IL1RAPL1: variants seen among roughly 807,000 people sequenced by gnomAD.
IL1RAPL1 encodes the protein interleukin 1 receptor accessory protein like 1.
A neutral mutation model predicts 48.4 loss-of-function variants in IL1RAPL1; 3 were observed. The ratio of observed to expected loss-of-function variants is 0.06; its 90% confidence interval spans 0.03 to 0.16. The LOEUF (loss-of-function observed/expected upper bound fraction) is 0.16, where lower values mean the gene tolerates loss of function less well. Ranked by LOEUF, IL1RAPL1 falls within the 10% of genes least tolerant of loss-of-function variation. The pLI is 1.00. For missense variants in IL1RAPL1, 349 were observed against 530.6 expected, an observed-to-expected ratio of 0.66 and a Z score of 3.36; for synonymous variants, 185 against 187.7, an observed-to-expected ratio of 0.99 and a Z score of 0.12.
intron 5 of IL1RAPL1, among the ~76,000 whole-genome samples, chrX:29,661,856 GA>G (rs144945317): frequency 9.0e-6 from 1 of 110,975 alleles, no homozygotes. Flanking sequence ...ATACTTAAGG[GA>G]AAAAAATTCT....
chrX:29,395,277 G>A lies in IL1RAPL1; in HGVS notation c.363-981G>A, dbSNP rs768060191. 6.3e-5 allele frequency among the ~76,000 whole-genome samples: 7 copies of A among 111,877 alleles called. No individual in the cohort carries two copies. The South Asian group carries it at 2.6e-3, about 42-fold the overall frequency. Reference sequence around the variant, plus strand: ...TGATGGCCATGTACATGAATAAGCAGTTGGGCACTTATTTACCAAATGGGA... The same window carrying A: ...TGATGGCCATGTACATGAATAAGCAATTGGGCACTTATTTACCAAATGGGA... On this transcript the variant is annotated intron_variant, in intron 3 of 10. Transcript: ENST00000378993.
At chrX:29,026,726 G>A (rs1926494837) in intron 2 of IL1RAPL1, among the ~76,000 whole-genome samples, 1 of 111,741 alleles carries the variant, frequency 8.9e-6, no homozygotes, top group African/African-American at 3.3e-5. Context: ...CAATGGTTAT[G>A]TTTTCAAAAT....
At chrX:29,741,332 C>G (rs1482103405) in intron 6 of IL1RAPL1, among the ~76,000 whole-genome samples, 1 of 111,613 alleles carries the variant, frequency 9.0e-6, no homozygotes, top group African/African-American at 3.3e-5. Flanking sequence ...AGGACAGATC[C>G]AACTAGGATT....
chrX:28,980,295 A>G (rs1925298918), intron 2 of IL1RAPL1, among the ~76,000 whole-genome samples: 1 of 112,393 alleles, frequency 8.9e-6, no homozygotes, highest in Non-Finnish European at 1.9e-5. Flanking sequence ...GGTTTTTTCC[A>G]GCACATCTTT....
At chrX:29,323,112 C>T (rs1294989196) in intron 3 of IL1RAPL1, among the ~76,000 whole-genome samples, 1 of 111,986 alleles carries the variant, frequency 8.9e-6, no homozygotes, top group Non-Finnish European at 1.9e-5. Flanking sequence ...ATACCTATTT[C>T]ACTTGCATCC....
At chrX:29,057,380 A>G (rs1204170145) in intron 2 of IL1RAPL1, among the ~76,000 whole-genome samples, 1 of 109,944 alleles carries the variant, frequency 9.1e-6, no homozygotes, top group African/African-American at 3.3e-5. Flanking sequence ...GGAGTGAACT[A>G]TTGTGGTTTG....
At chrX:28,956,900 T>C (rs1924627458) in intron 2 of IL1RAPL1, among the ~76,000 whole-genome samples, 1 of 109,660 alleles carries the variant, frequency 9.1e-6, no homozygotes, top group South Asian at 4.0e-4. Context: ...CCTGGACTCT[T>C]TTTGGTTGGT....
intron 6 of IL1RAPL1, among the ~76,000 whole-genome samples, chrX:29,808,714 T>C (rs925343176): frequency 8.9e-6 from 1 of 111,755 alleles, no homozygotes; most frequent in Admixed American, 9.6e-5. Context: ...TTTTAACATA[T>C]ATATTATGTT....
intron 3 of IL1RAPL1, among the ~76,000 whole-genome samples, chrX:29,391,150 G>C (rs753938950): frequency 1.9e-5 from 2 of 107,688 alleles, no homozygotes; most frequent in Admixed American, 2.0e-4. Flanking sequence ...CTCCAGCCTG[G>C]GCAACAAGAG....
intron 1 of IL1RAPL1, among the ~76,000 whole-genome samples, chrX:28,754,870 G>A (rs964689386): frequency 8.1e-5 from 9 of 111,743 alleles, no homozygotes; most frequent in Middle Eastern, 4.6e-3. Context: ...TTGGATGTAG[G>A]GTAGCTACAT....
At chrX:29,217,765 T>C (rs1166253619) in intron 2 of IL1RAPL1, among the ~76,000 whole-genome samples, 2 of 61,402 alleles carry the variant, frequency 3.3e-5, no homozygotes, top group African/African-American at 1.9e-4. Context: ...TTTCTCTCTC[T>C]CTCTCTCTCT....
chrX:28,679,655 C>A (rs1313247333), intron 1 of IL1RAPL1, among the ~76,000 whole-genome samples: 1 of 111,771 alleles, frequency 8.9e-6, no homozygotes, highest in Non-Finnish European at 1.9e-5. Flanking sequence ...AATAAAAGCA[C>A]AGTTTTATTA....
At chrX:29,230,522 A>ACAAAAAC (rs747601421) in intron 2 of IL1RAPL1, among the ~76,000 whole-genome samples, 1 of 90,822 alleles carries the variant, frequency 1.1e-5, no homozygotes, top group African/African-American at 4.2e-5. Context: ...AAAAAAAAAA[A>ACAAAAAC]AAAAAAAAAA....
At chrX:29,834,340 G>T (rs774955049) in intron 6 of IL1RAPL1, among the ~76,000 whole-genome samples, 1 of 111,247 alleles carries the variant, frequency 9.0e-6, no homozygotes, top group South Asian at 3.8e-4. Flanking sequence ...CATAGTTAAG[G>T]ATATACCGAT....
At chrX:29,260,783 A>T (rs908249165) in intron 2 of IL1RAPL1, among the ~76,000 whole-genome samples, 3 of 109,888 alleles carry the variant, frequency 2.7e-5, no homozygotes, top group Non-Finnish European at 5.7e-5. Flanking sequence ...TACCCAGAAT[A>T]CTCTATCACC....
intron 3 of IL1RAPL1, among the ~76,000 whole-genome samples, chrX:29,329,727 C>T (rs758127465): frequency 6.5e-5 from 7 of 108,292 alleles, no homozygotes; most frequent in Non-Finnish European, 9.5e-5. Context: ...GCAGGAGAAT[C>T]GCTTGAACCC....
intron 2 of IL1RAPL1, among the ~76,000 whole-genome samples, chrX:28,857,091 A>G (rs1921822926): frequency 8.9e-6 from 1 of 112,491 alleles, no homozygotes; most frequent in South Asian, 3.6e-4. Context: ...TAATCTGGAT[A>G]GAAAATCAAA....
chrX:29,786,278 A>G (rs888119285), intron 6 of IL1RAPL1, among the ~76,000 whole-genome samples: 1 of 111,474 alleles, frequency 9.0e-6, no homozygotes, highest in Non-Finnish European at 1.9e-5. Context: ...AACATGATGA[A>G]CACAGATCAG....
At chrX:29,650,549 G>C (rs1017194687) in intron 5 of IL1RAPL1, among the ~76,000 whole-genome samples, 4 of 110,578 alleles carry the variant, frequency 3.6e-5, no homozygotes, top group African/African-American at 1.3e-4. Context: ...TCAATAAATG[G>C]TTTTGGGAAA....
Sources: allele counts gnomAD v4.1 joint callset (sites outside exome capture counted in the v4.1 genomes callset), GRCh38; gene constraint gnomAD v4.1.1; transcripts MANE v1.5; gene names NCBI Gene and HGNC (gene_info 2026-07-23, HGNC 2026-07-21).